MID1: variants seen among roughly 807,000 people sequenced by gnomAD.
MID1 encodes E3 ubiquitin-protein ligase Midline-1.
Under a neutral mutation model 40.4 loss-of-function variants are expected in MID1, and 7 were observed. The ratio of observed to expected loss-of-function variants is 0.17; its 90% CI spans 0.10 to 0.33. The LOEUF is 0.33. Ranked by LOEUF, MID1 falls within the 10% of genes least tolerant of loss-of-function variation. The pLI, the probability that MID1 is intolerant of heterozygous loss-of-function variation, is 1.00. For synonymous variants in MID1, 229 were observed against 221.2 expected, an observed-to-expected ratio of 1.04 and a Z score of -0.31; for missense variants, 367 against 558.5, an observed-to-expected ratio of 0.66 and a Z score of 3.46.
intron 1 of MID1, among the ~76,000 whole-genome samples, chrX:10,581,817 C>T (rs1213758060): frequency 9.0e-6 from 1 of 111,691 alleles, no homozygotes; most frequent in Non-Finnish European, 1.9e-5. Flanking sequence ...TACCTCTGTT[C>T]ATTACCACTG....
chrX:10,766,920 A>G (rs2043734427), intron 1 of MID1, among the ~76,000 whole-genome samples: 1 of 110,409 alleles, frequency 9.1e-6, no homozygotes, highest in African/African-American at 3.3e-5. Context: ...AAAAAAAAAA[A>G]AAAAGAAAAA....
In MID1 at chrX:10,530,940, T is replaced by C. The variant is rs995755806; in HGVS notation, c.661-7753A>G. On this transcript the variant is annotated intron_variant, in intron 2 of 9. Transcript: ENST00000317552. Reference sequence around the variant, plus strand: ...AAACAGGAGATTTCAGTAATTCCTTTTGGGTTTGCCCAGGACTTAAAGAAT... The same window carrying C: ...AAACAGGAGATTTCAGTAATTCCTTCTGGGTTTGCCCAGGACTTAAAGAAT... Among the ~76,000 whole-genome samples the C allele has an allele frequency of 3.6e-5, 4 of 112,264 alleles. No individual in the cohort carries two copies. In the Admixed American group the frequency reaches 3.8e-4, roughly 11 times the overall value.
intron 1 of MID1, among the ~76,000 whole-genome samples, chrX:10,813,527 A>C (rs948823278): frequency 1.2e-4 from 13 of 111,578 alleles, no homozygotes; most frequent in African/African-American, 3.9e-4. Context: ...CCCAAGTGAT[A>C]ATTTGAACCT....
intron 1 of MID1, among the ~76,000 whole-genome samples, chrX:10,678,654 T>C (rs1569145021): frequency 9.0e-6 from 1 of 111,346 alleles, no homozygotes; most frequent in African/African-American, 3.3e-5. Context: ...AGAGGGCCCA[T>C]CTCCTTCATG....
At chrX:10,646,934 A>G (rs891545714) in intron 1 of MID1, among the ~76,000 whole-genome samples, 6 of 111,901 alleles carry the variant, frequency 5.4e-5, no homozygotes, top group Admixed American at 9.5e-5. Context: ...TATCAGAGAA[A>G]CGAAAAGAAG....
chrX:10,532,855 C>T (rs1933027839), intron 2 of MID1, among the ~76,000 whole-genome samples: 1 of 109,962 alleles, frequency 9.1e-6, no homozygotes, highest in Admixed American at 9.7e-5. Context: ...GCAACCTCCG[C>T]TTCCTGGGTT....
At chrX:10,494,002 G>A (rs969728986) in intron 4 of MID1, among the ~76,000 whole-genome samples, 7 of 111,993 alleles carry the variant, frequency 6.3e-5, no homozygotes, top group Non-Finnish European at 1.3e-4. Flanking sequence ...TATGATGCAC[G>A]ATGATGATGG....
intron 2 of MID1, among the ~76,000 whole-genome samples, chrX:10,524,624 G>A (rs2147372563): frequency 8.9e-6 from 1 of 112,326 alleles, no homozygotes; most frequent in African/African-American, 3.2e-5. Context: ...CAATATGCCA[G>A]ACTCTGAAAG....
At chrX:10,751,074 G>A (rs1001463804) in intron 1 of MID1, among the ~76,000 whole-genome samples, 2 of 110,159 alleles carry the variant, frequency 1.8e-5, no homozygotes, top group Non-Finnish European at 3.8e-5. Flanking sequence ...AAACCAGCTT[G>A]GCCAACATGG....
intron 1 of MID1, among the ~76,000 whole-genome samples, chrX:10,645,094 T>A (rs1210920536): frequency 1.8e-5 from 2 of 111,892 alleles, no homozygotes; most frequent in Admixed American, 1.9e-4. Context: ...AAAGTCCAAG[T>A]GAACAGGGGG....
intron 2 of MID1, among the ~76,000 whole-genome samples, chrX:10,548,535 T>C (rs1260672247): frequency 8.9e-6 from 1 of 112,150 alleles, no homozygotes; most frequent in Non-Finnish European, 1.9e-5. Flanking sequence ...GTTATTTAGA[T>C]AAAAAAGGGA....
At chrX:10,653,196 C>T (rs1040055103) in intron 1 of MID1, among the ~76,000 whole-genome samples, 1 of 112,385 alleles carries the variant, frequency 8.9e-6, no homozygotes, top group Non-Finnish European at 1.9e-5. Context: ...TTCCCCGTAG[C>T]TTCCTATGCT....
At chrX:10,530,409 T>A (rs2094434634) in intron 2 of MID1, among the ~76,000 whole-genome samples, 1 of 112,136 alleles carries the variant, frequency 8.9e-6, no homozygotes, top group Admixed American at 9.5e-5. Context: ...AGGATACCTG[T>A]GGGCAGATTT....
rs186780409 is a variant in MID1, at chrX:10,773,649, G to T, written c.-187+59905C>A. 4.1e-3 allele frequency among the ~76,000 whole-genome samples: 463 copies of T among 111,978 alleles called. 5 individuals carry two copies. The highest frequency in any genetic ancestry group is 0.014 in the African/African-American group (441 of 30,862). On this transcript the variant is annotated intron_variant, in intron 1 of 10. Coordinates refer to the MID1 transcript ENST00000380785. ...CCCTGGTTACATTTTATCTTGTTTT[G>T]TAAATTATGTTGTATTGTTTGTTAT...
chrX:10,786,113 A>G (rs1214960551), intron 1 of MID1, among the ~76,000 whole-genome samples: 1 of 111,879 alleles, frequency 8.9e-6, no homozygotes, highest in Non-Finnish European at 1.9e-5. Flanking sequence ...ACTCAAACAA[A>G]TTTACAAGAA....
At chrX:10,634,639 C>A (rs751475848) in intron 1 of MID1, among the ~76,000 whole-genome samples, 3 of 111,587 alleles carry the variant, frequency 2.7e-5, no homozygotes, top group Non-Finnish European at 5.6e-5. Flanking sequence ...GTATTTAATG[C>A]TAGCAATTTT....
chrX:10,555,196 T>C (rs1204205083), intron 2 of MID1, among the ~76,000 whole-genome samples: 1 of 111,944 alleles, frequency 8.9e-6, no homozygotes, highest in Non-Finnish European at 1.9e-5. Flanking sequence ...AGACCTTTCA[T>C]AAGAAAGCAT....
At chrX:10,452,301 C>T (rs1928391074) in intron 9 of MID1, among the ~76,000 whole-genome samples, 1 of 111,913 alleles carries the variant, frequency 8.9e-6, no homozygotes, top group African/African-American at 3.3e-5. Flanking sequence ...TTTCATAAAA[C>T]ACCAAGTGCA....
chrX:10,529,120 A>G (rs1230336527), intron 2 of MID1, among the ~76,000 whole-genome samples: 1 of 111,673 alleles, frequency 9.0e-6, no homozygotes, highest in Admixed American at 9.5e-5. Context: ...TGCTTGTTAA[A>G]TAAAATAAAA....
Sources: allele counts gnomAD v4.1 joint callset (sites outside exome capture counted in the v4.1 genomes callset), GRCh38; gene constraint gnomAD v4.1.1; transcripts MANE v1.5; gene names NCBI Gene and HGNC (gene_info 2026-07-23, HGNC 2026-07-21).